DVL3: variants seen among roughly 807,000 people sequenced by gnomAD.
DVL3 encodes segment polarity protein dishevelled homolog DVL-3.
A neutral mutation model predicts 67.4 loss-of-function variants in DVL3; 27 were observed. That is an observed-to-expected ratio of 0.40 (90% CI 0.30 to 0.55). The LOEUF is 0.55. Ranked by LOEUF, DVL3 falls within the 20% of genes least tolerant of loss-of-function variation. DVL3 has a pLI of 0.46. For missense variants in DVL3, 819 were observed against 1,021.5 expected, an observed-to-expected ratio of 0.80 and a Z score of 2.70; for synonymous variants, 369 against 396.8, an observed-to-expected ratio of 0.93 and a Z score of 0.83.
At position 184,172,991 on chromosome 3, in the gene DVL3, C is replaced by T. The variant is rs749855324; in HGVS notation, c.*2236C>T. The T allele has an allele frequency of 1.3e-5, 2 of 152,284 alleles. No homozygotes were observed. Among genetic ancestry groups the T allele is most frequent in the Non-Finnish European group, 2.9e-5 (2 of 68,066 alleles). The allele number at this position is 152,284 out of a possible 1,614,324, so 9.4% of individuals were successfully genotyped here. The stretch of plus-strand genomic sequence containing the variant: ...CTTCCATCGTTCCATCTTTGATTCA[C>T]TTCTCTTTCCTTTCTATTTACTCCC... On this transcript the variant is annotated 3_prime_UTR_variant, in exon 15 of 15. Transcript: ENST00000313143.
At position 184,166,405 on chromosome 3, in the gene DVL3, C is replaced by A; in HGVS notation, c.904-41C>A. ...CCAAGTTGAGTTCCCTTTTCATCCT[C>A]CCCAGCACAGCTGTTTATCCCACTC... On this transcript the variant is annotated intron_variant, in intron 8 of 14. Transcript: ENST00000313143. The surrounding 1 kb of genome is among the most constrained non-coding windows in gnomAD (Gnocchi z 6.7). 1.2e-6 allele frequency: 2 copies of A among 1,613,148 alleles called. No individual in the cohort carries two copies. The highest frequency in any genetic ancestry group is 8.5e-7 in the Non-Finnish European group (1 of 1,179,144).
At chr3:184,156,139 C>T (rs954337524) in intron 1 of DVL3, among the ~76,000 whole-genome samples, 2 of 152,170 alleles carry the variant, frequency 1.3e-5, no homozygotes, top group African/African-American at 2.4e-5. Context: ...GTCCCCCATC[C>T]TCCTCCTGCC....
intron 1 of DVL3, among the ~76,000 whole-genome samples, chr3:184,156,105 C>G (rs539981626): frequency 6.6e-6 from 1 of 152,160 alleles, no homozygotes; most frequent in African/African-American, 2.4e-5. Flanking sequence ...ACACACCCCC[C>G]CTCCACCTAG....
In DVL3 at chr3:184,166,269, T is replaced by C. The variant is rs746880708; in HGVS notation, c.903+4T>C. On this transcript the variant is annotated splice_donor_region_variant and intron_variant, in intron 8 of 14. Coordinates refer to ENST00000313143, the MANE Select transcript of DVL3 (RefSeq NM_004423.4). This position sits in a 1 kb window ranked among gnomAD's most constrained non-coding sequence, Gnocchi z 6.7. ...GCCAGGAGATATGTTGTTACAGGTATCAGTGCCCATCCTAGGCGGTGGTGT... is the reference window on the plus strand; with the variant it reads ...GCCAGGAGATATGTTGTTACAGGTACCAGTGCCCATCCTAGGCGGTGGTGT... The C allele has an allele frequency of 1.2e-6, 2 of 1,612,218 alleles. No homozygotes were observed. The highest frequency in any genetic ancestry group is 1.7e-6 in the Non-Finnish European group (2 of 1,179,282).
At position 184,171,113 on chromosome 3, in the gene DVL3, TC is replaced by T; in HGVS notation, c.*361del. 8.3e-7 allele frequency: 1 copy of T among 1,207,166 alleles called. No individual in the cohort carries two copies. Among genetic ancestry groups the T allele is most frequent in the Non-Finnish European group, 1.0e-6 (1 of 959,344 alleles). The allele number at this position is 1,207,166 out of a possible 1,614,324, so 74.8% of individuals were successfully genotyped here. The stretch of plus-strand genomic sequence containing the variant: ...GCAATGACCTTGGTGGCACGCTCAC[TC>T]CCTCATTCTCTCGTTTCCCCTTTAG... On this transcript the variant is annotated 3_prime_UTR_variant, in exon 15 of 15. Coordinates refer to ENST00000313143, the MANE Select transcript of DVL3 (RefSeq NM_004423.4).
At position 184,171,817 on chromosome 3, in the gene DVL3, A is replaced by AG; in HGVS notation, c.*1068dup. The stretch of plus-strand genomic sequence containing the variant: ...ACGTGTGGCAGCCTGCGGCGGGGGG[A>AG]GGGGGGCCTCTTTAGCTCTCTTTAT... On this transcript the variant is annotated 3_prime_UTR_variant, in exon 15 of 15. Coordinates refer to ENST00000313143, the MANE Select transcript of DVL3 (RefSeq NM_004423.4). 1 of 158,294 alleles carries AG rather than the reference A, an allele frequency of 6.3e-6. No homozygotes were observed. 9.8% of individuals were successfully genotyped at this position (158,294 alleles called of 1,614,324 possible).
At chr3:184,156,762 G>A in intron 1 of DVL3, 2 of 288,290 alleles carry the variant, frequency 6.9e-6, no homozygotes, top group Admixed American at 9.3e-5. Flanking sequence ...CTGGGGGAGG[G>A]GGAGGCGCCC....
chr3:184,166,148 C>T lies in DVL3; in HGVS notation c.786C>T (p.Ile262=). 6.2e-7 allele frequency: 1 copy of T among 1,613,728 alleles called. No homozygotes were observed. Among genetic ancestry groups the T allele is most frequent in the Admixed American group, 1.7e-5 (1 of 59,806 alleles). Residue 262 remains isoleucine (I), a synonymous_variant, in exon 8 of 15, where the codon ATC becomes ATT. Coordinates refer to ENST00000313143, the MANE Select transcript of DVL3 (RefSeq NM_004423.4). This position sits in a 1 kb window ranked among gnomAD's most constrained non-coding sequence, Gnocchi z 6.7. ...LNMEKYNFLG[I]SIVGQSNERG... is the part of the protein sequence containing the mutation. ...TAGAAAAATATAACTTCTTGGGCAT[C>T]TCCATTGTGGGCCAAAGCAACGAGC...
intron 1 of DVL3, among the ~76,000 whole-genome samples, chr3:184,160,065 G>A (rs185713930): frequency 8.7e-5 from 13 of 150,214 alleles, no homozygotes; most frequent in Non-Finnish European, 1.5e-4. Context: ...TCAGCCTCCC[G>A]AGTAGCTGGG....
Position 184,166,514 on chromosome 3 carries a change from C to A in DVL3, c.972C>A (p.His324Gln). ...DAVRVLREIV[H>Q]KPGPITLTVA... ...TCCGGGTACTGCGGGAGATTGTGCA[C>A]AAACCGGGGTATGGATGGAATGGGG... Residue 324 changes from histidine (H) to glutamine (Q), a missense_variant, in exon 9 of 15, where the codon CAC becomes CAA. Physicochemically the swap from His to Gln is conservative, Grantham distance 24. Coordinates refer to ENST00000313143, the MANE Select transcript of DVL3 (RefSeq NM_004423.4). This position sits in a 1 kb window ranked among gnomAD's most constrained non-coding sequence, Gnocchi z 6.7. The A allele has an allele frequency of 6.2e-7, 1 of 1,614,162 alleles. No individual in the cohort carries two copies. Among genetic ancestry groups the A allele is most frequent in the Non-Finnish European group, 8.5e-7 (1 of 1,180,024 alleles).
At position 184,170,122 on chromosome 3, in the gene DVL3, C is replaced by G. The variant is rs763034362; in HGVS notation, c.1615C>G (p.Gln539Glu). Residue 539 changes from glutamine (Q) to glutamate (E), a missense_variant, in exon 14 of 15, where the codon CAG becomes GAG. By Grantham distance (29) the Gln-to-Glu change is conservative (BLOSUM62 2). Transcript: ENST00000313143. The surrounding 1 kb of genome is among the most constrained non-coding windows in gnomAD (Gnocchi z 6.5). ...AAPWPMAFPYQYPPPPHPYNP... is the reference protein window; with the variant it reads ...AAPWPMAFPYEYPPPPHPYNP... ...CCCTTGGCCCATGGCTTTCCCGTAC[C>G]AGTACCCGCCACCCCCGCACCCATA... is the stretch of plus-strand genomic sequence containing the variant. 13 of 1,613,746 alleles carry G rather than the reference C, an allele frequency of 8.1e-6. No homozygotes were observed. The Admixed American group carries it at 2.2e-4, about 27-fold the overall frequency.
Position 184,164,171 on chromosome 3 carries a change from C to T in DVL3, c.232-96C>T, listed in dbSNP as rs981673986. 36 of 1,428,554 alleles carry T rather than the reference C, an allele frequency of 2.5e-5. No individual in the cohort carries two copies. Among genetic ancestry groups the T allele is most frequent in the Non-Finnish European group, 3.2e-5 (33 of 1,040,014 alleles). 88.5% of individuals were successfully genotyped at this position (1,428,554 alleles called of 1,614,324 possible). A position where few individuals can be genotyped will look rare whatever the true frequency, so the allele number is the denominator to read the frequency against. The stretch of plus-strand genomic sequence containing the variant: ...TTTTCTCCCTCGATATTTCCTGCTT[C>T]CTTCCTCTTAGGCCTTCATGCCTTG... On this transcript the variant is annotated intron_variant, in intron 2 of 14. Coordinates refer to ENST00000313143, the MANE Select transcript of DVL3 (RefSeq NM_004423.4). The surrounding 1 kb of genome is among the most constrained non-coding windows in gnomAD (Gnocchi z 5.3).
In DVL3 at chr3:184,166,286, C is replaced by T. The variant is rs377251528; in HGVS notation, c.903+21C>T. ...TACAGGTATCAGTGCCCATCCTAGG[C>T]GGTGGTGTGGATAGAGGGCAGGGAG... On this transcript the variant is annotated intron_variant, in intron 8 of 14. Coordinates refer to ENST00000313143, the MANE Select transcript of DVL3 (RefSeq NM_004423.4). This position sits in a 1 kb window ranked among gnomAD's most constrained non-coding sequence, Gnocchi z 6.7. 1.7e-5 allele frequency: 28 copies of T among 1,610,234 alleles called. No individual in the cohort carries two copies. Among genetic ancestry groups the T allele is most frequent in the African/African-American group, 1.1e-4 (8 of 74,666 alleles).
At position 184,170,251 on chromosome 3, in the gene DVL3, A is replaced by G. The variant is rs1452356635; in HGVS notation, c.1714+30A>G. Reference sequence around the variant, plus strand: ...GGTAGAGGGGCCGTGGAGGAAGGCTATAGGTGGGCCCCAGGCTTCCCCCGC... The same window carrying G: ...GGTAGAGGGGCCGTGGAGGAAGGCTGTAGGTGGGCCCCAGGCTTCCCCCGC... On this transcript the variant is annotated intron_variant, in intron 14 of 14. Transcript: ENST00000313143. This position sits in a 1 kb window ranked among gnomAD's most constrained non-coding sequence, Gnocchi z 6.5. 1 of 1,608,970 alleles carries G rather than the reference A, an allele frequency of 6.2e-7. No individual in the cohort carries two copies.
chr3:184,167,794 A>T lies in DVL3; in HGVS notation c.1330+83A>T. 1.3e-6 allele frequency: 2 copies of T among 1,595,080 alleles called. No homozygotes were observed. Among genetic ancestry groups the T allele is most frequent in the South Asian group, 2.3e-5 (2 of 87,646 alleles). The stretch of plus-strand genomic sequence containing the variant: ...CCGGAGGGCCCAGGACTTGCCTTGG[A>T]CCCTTCCTTTGATCTGGAGCCAGCC... On this transcript the variant is annotated intron_variant, in intron 12 of 14. Coordinates refer to ENST00000313143, the MANE Select transcript of DVL3 (RefSeq NM_004423.4). This position sits in a 1 kb window ranked among gnomAD's most constrained non-coding sequence, Gnocchi z 4.6.
In DVL3 at chr3:184,166,366, G is replaced by A; in HGVS notation, c.904-80G>A. On this transcript the variant is annotated intron_variant, in intron 8 of 14. Transcript: ENST00000313143. This position sits in a 1 kb window ranked among gnomAD's most constrained non-coding sequence, Gnocchi z 6.7. ...AGAGGCCCCTTCTTGGTTGGGGGAA[G>A]ACTCCCTGACCTACCAAGTTGAGTT... 6.2e-7 allele frequency: 1 copy of A among 1,608,622 alleles called. No individual in the cohort carries two copies. Among genetic ancestry groups the A allele is most frequent in the South Asian group, 1.1e-5 (1 of 90,746 alleles).
In DVL3 at chr3:184,165,339, C is replaced by T. The variant is rs1020492303; in HGVS notation, c.694-83C>T. ...AGAACCTTGGGGCTGGGGGCTGCAC[C>T]GGGGACTCACCTTGAGGAGGAGTCA... On this transcript the variant is annotated intron_variant, in intron 6 of 14. Transcript: ENST00000313143. The surrounding 1 kb of genome is among the most constrained non-coding windows in gnomAD (Gnocchi z 4.1). 4.6e-5 allele frequency: 71 copies of T among 1,548,104 alleles called. No homozygotes were observed. The Admixed American group carries it at 8.5e-4, about 19-fold the overall frequency.
chr3:184,162,220 C>T (rs893444797), intron 1 of DVL3, among the ~76,000 whole-genome samples: 19 of 151,510 alleles, frequency 1.3e-4, no homozygotes, highest in African/African-American at 3.9e-4. Context: ...CTCTGTCACC[C>T]AGGCTGGAGT....
intron 1 of DVL3, among the ~76,000 whole-genome samples, chr3:184,160,752 G>T (rs1714352577): frequency 6.6e-6 from 1 of 152,124 alleles, no homozygotes; most frequent in Admixed American, 6.5e-5. Flanking sequence ...GGGAGGTAGG[G>T]ACTCAGCAGC....
Sources: allele counts gnomAD v4.1 joint callset (sites outside exome capture counted in the v4.1 genomes callset), GRCh38; gene constraint gnomAD v4.1.1; non-coding constraint Gnocchi (gnomAD v3.1); transcripts MANE v1.5; gene names NCBI Gene and HGNC (gene_info 2026-07-23, HGNC 2026-07-21).